GRIP1: variants seen among roughly 807,000 people sequenced by gnomAD.
GRIP1 encodes glutamate receptor-interacting protein 1.
In GRIP1, 45 loss-of-function variants were observed where a neutral mutation model predicts 129.9. The observed-to-expected ratio is 0.35, with a 90% CI of 0.27 to 0.44. GRIP1 has a LOEUF of 0.44. Ranked by LOEUF, GRIP1 falls within the 20% of genes least tolerant of loss-of-function variation. The probability of loss-of-function intolerance (pLI) is 1.00; values close to 1 mark genes in which losing one functional copy is unlikely to be tolerated. For missense variants in GRIP1, 1,196 were observed against 1,396.8 expected (o/e 0.86, Z 2.29); for synonymous variants, 530 against 520.8 (o/e 1.02, Z -0.24).
intron 2 of GRIP1, among the ~76,000 whole-genome samples, chr12:66,574,178 G>A (rs1456848209): frequency 6.6e-6 from 1 of 152,194 alleles, no homozygotes; most frequent in East Asian, 1.9e-4. Context: ...CTGCAGGGCT[G>A]GGTCAGGGAT....
At chr12:66,808,610 T>G (rs374239770), upstream of GRIP1, among the ~76,000 whole-genome samples, 105 of 152,140 alleles carry the variant, frequency 6.9e-4, 2 homozygotes, top group African/African-American at 2.3e-3. Context: ...GTTTTGTTTT[T>G]TTTTAAACTG....
intron 1 of GRIP1, among the ~76,000 whole-genome samples, chr12:66,964,659 C>T (rs74098157): frequency 0.062 from 9,472 of 152,190 alleles, 784 homozygotes; most frequent in African/African-American, 0.19. Flanking sequence ...CCCAAAGCAA[C>T]TAAACCTTCC....
chr12:66,635,275 T>C (rs2031248153), intron 1 of GRIP1, among the ~76,000 whole-genome samples: 1 of 151,616 alleles, frequency 6.6e-6, no homozygotes, highest in African/African-American at 2.4e-5. Context: ...AAAAATTAGC[T>C]GGGCGTGGCG....
At chr12:66,645,304 G>T (rs1046040148) in intron 1 of GRIP1, among the ~76,000 whole-genome samples, 2 of 152,192 alleles carry the variant, frequency 1.3e-5, no homozygotes. Flanking sequence ...GTCATTAACA[G>T]ATTGGAAAAC....
intron 1 of GRIP1, among the ~76,000 whole-genome samples, chr12:66,748,267 T>G (rs1179511386): frequency 6.6e-6 from 1 of 152,186 alleles, no homozygotes; most frequent in Non-Finnish European, 1.5e-5. Flanking sequence ...TCCGCCCACC[T>G]TGGTCTCCCA....
At chr12:67,000,099 T>C (rs770739398) in intron 1 of GRIP1, among the ~76,000 whole-genome samples, 2 of 152,168 alleles carry the variant, frequency 1.3e-5, no homozygotes, top group Admixed American at 6.6e-5. Flanking sequence ...CACATGTTTA[T>C]TGTCACCTCG....
At position 66,347,788 on chromosome 12, in the gene GRIP1, C is replaced by T. The variant is rs1011059635; in HGVS notation, c.*1231G>A. 2 of 151,880 alleles carry T rather than the reference C, an allele frequency of 1.3e-5. No individual in the cohort carries two copies. Among genetic ancestry groups the T allele is most frequent in the Admixed American group, 1.3e-4 (2 of 15,250 alleles). 9.4% of individuals were successfully genotyped at this position (151,880 alleles called of 1,614,324 possible). ...TTTTTATATTTCCTTAAACAAAGGACACAGTGTTCGAATACTTTGCCTAAG... is the reference window on the plus strand; with the variant it reads ...TTTTTATATTTCCTTAAACAAAGGATACAGTGTTCGAATACTTTGCCTAAG... On this transcript the variant is annotated 3_prime_UTR_variant, in exon 25 of 25. Transcript: ENST00000359742.
intron 15 of GRIP1, among the ~76,000 whole-genome samples, chr12:66,408,976 G>A (rs1323230004): frequency 6.6e-6 from 1 of 152,136 alleles, no homozygotes; most frequent in African/African-American, 2.4e-5. Flanking sequence ...TTTGTCTTGT[G>A]TCTTGGGTGC....
intron 1 of GRIP1, among the ~76,000 whole-genome samples, chr12:66,620,005 C>T (rs1042325847): frequency 2.0e-5 from 3 of 152,130 alleles, no homozygotes; most frequent in Admixed American, 1.3e-4. Flanking sequence ...ACTTTACATC[C>T]ATTACTTCAT....
At chr12:66,610,979 T>C (rs974603471) in intron 1 of GRIP1, among the ~76,000 whole-genome samples, 2 of 152,200 alleles carry the variant, frequency 1.3e-5, no homozygotes, top group African/African-American at 4.8e-5. Flanking sequence ...CTCCACTGTA[T>C]AACTATAGCC....
At chr12:66,429,090 G>A (rs773883463) in intron 14 of GRIP1, among the ~76,000 whole-genome samples, 6 of 152,118 alleles carry the variant, frequency 3.9e-5, no homozygotes, top group Non-Finnish European at 8.8e-5. Context: ...ATGTGTCATC[G>A]GAACTTAAGA....
chr12:66,482,235 C>G (rs1402684781), intron 7 of GRIP1, among the ~76,000 whole-genome samples: 1 of 152,106 alleles, frequency 6.6e-6, no homozygotes. Flanking sequence ...ATTATTGTTA[C>G]CAAATAACTA....
At position 66,911,463 on chromosome 12, in the gene GRIP1, C is replaced by T. The variant is rs541449445; in HGVS notation, c.58+157587G>A. Among the ~76,000 whole-genome samples the T allele has an allele frequency of 1.2e-3, 185 of 152,240 alleles. 2 individuals carry two copies. Among genetic ancestry groups the T allele is most frequent in the African/African-American group, 4.3e-3 (177 of 41,520 alleles). ...ATCATTCTCTTCTCCTGGCATTCTA[C>T]TCTCTAGGCATACCCTTTGTTTATA... On this transcript the variant is annotated intron_variant, in intron 1 of 1. Coordinates refer to the GRIP1 transcript ENST00000643019.
At chr12:66,368,354 A>G (rs1296387677) in intron 23 of GRIP1, among the ~76,000 whole-genome samples, 2 of 152,212 alleles carry the variant, frequency 1.3e-5, no homozygotes, top group Non-Finnish European at 2.9e-5. Context: ...TGGTCTAGAT[A>G]TGAACAGGCG....
At chr12:66,644,314 T>A in intron 1 of GRIP1, among the ~76,000 whole-genome samples, 1 of 152,062 alleles carries the variant, frequency 6.6e-6, no homozygotes, top group East Asian at 1.9e-4. Flanking sequence ...ATAGTGTTCA[T>A]TTTTCCTTTT....
chr12:66,845,639 G>A (rs75550200), intron 1 of GRIP1, among the ~76,000 whole-genome samples: 156 of 152,204 alleles, frequency 1.0e-3, no homozygotes, highest in Middle Eastern at 3.4e-3. Context: ...GACTTACAAC[G>A]TATCTTTGAT....
At chr12:67,043,291 G>A (rs910626075) in intron 1 of GRIP1, among the ~76,000 whole-genome samples, 8 of 152,196 alleles carry the variant, frequency 5.3e-5, no homozygotes, top group Admixed American at 3.3e-4. Context: ...AGGAGGAATC[G>A]CTAAACTCTA....
At chr12:66,898,375 C>T (rs1443077410) in intron 1 of GRIP1, among the ~76,000 whole-genome samples, 1 of 152,058 alleles carries the variant, frequency 6.6e-6, no homozygotes, top group Non-Finnish European at 1.5e-5. Context: ...TATTTGTGTC[C>T]TCGATGGGGA....
At chr12:66,574,030 A>G (rs2063055327) in intron 2 of GRIP1, among the ~76,000 whole-genome samples, 1 of 151,824 alleles carries the variant, frequency 6.6e-6, no homozygotes. Flanking sequence ...CAAATCCTCT[A>G]TTTTCTCTTA....
Sources: gnomAD v4.1 joint callset for allele counts (sites outside exome capture counted in the v4.1 genomes callset) on GRCh38, gnomAD v4.1.1 for gene constraint, MANE v1.5 for transcripts, NCBI Gene and HGNC (gene_info 2026-07-23, HGNC 2026-07-21) for gene names.